Variants in PDE4D observed in about 807,000 individuals in gnomAD.
The protein encoded by PDE4D is phosphodiesterase 4D.
Under a neutral mutation model 87.4 loss-of-function variants are expected in PDE4D, and 24 were observed. The observed-to-expected ratio is 0.27, with a 90% CI of 0.20 to 0.39. The LOEUF (loss-of-function observed/expected upper bound fraction) is 0.39, where lower values mean the gene tolerates loss of function less well. Ranked by LOEUF, PDE4D falls within the 10% of genes least tolerant of loss-of-function variation. The pLI is 1.00. For missense variants in PDE4D, 714 were observed against 1,041.0 expected, an observed-to-expected ratio of 0.69 and a Z score of 4.32; for synonymous variants, 384 against 383.2, an observed-to-expected ratio of 1.00 and a Z score of -0.02.
At chr5:59,038,362 G>T (rs182970889) in intron 6 of PDE4D, among the ~76,000 whole-genome samples, 89 of 152,254 alleles carry the variant, frequency 5.8e-4, no homozygotes, top group Middle Eastern at 3.4e-3. Context: ...TGTTTCCTGC[G>T]GATATGTATG....
intron 1 of PDE4D, among the ~76,000 whole-genome samples, chr5:60,391,598 C>T (rs926973465): frequency 6.6e-6 from 1 of 152,118 alleles, no homozygotes; most frequent in Admixed American, 6.5e-5. Context: ...CTGACTACTG[C>T]CCCTTAGTTT....
intron 1 of PDE4D, among the ~76,000 whole-genome samples, chr5:59,399,341 G>T (rs1374159830): frequency 1.5e-5 from 2 of 135,552 alleles, no homozygotes; most frequent in African/African-American, 2.6e-5. Context: ...ATACTACAAG[G>T]CTACAGTAAC....
chr5:59,721,913 G>A (rs1330402123), intron 1 of PDE4D, among the ~76,000 whole-genome samples: 4 of 152,038 alleles, frequency 2.6e-5, no homozygotes, highest in Non-Finnish European at 4.4e-5. Flanking sequence ...CAGGAGAGGC[G>A]CATCCATGGG....
intron 3 of PDE4D, among the ~76,000 whole-genome samples, chr5:59,906,370 T>C (rs1014707722): frequency 6.6e-6 from 1 of 152,170 alleles, no homozygotes; most frequent in African/African-American, 2.4e-5. Context: ...TAGTTAGCCT[T>C]CTAAGCTAGC....
chr5:60,400,788 C>T lies in PDE4D; in HGVS notation c.-90+87154G>A, dbSNP rs541492336. 4.6e-5 allele frequency among the ~76,000 whole-genome samples: 7 copies of T among 151,858 alleles called. No homozygotes were observed. In the South Asian group the frequency reaches 6.2e-4, roughly 14 times the overall value. ...CTCTAACAAAAATACAAAAATTAGC[C>T]GGGCGTGGTGGCAGGCACCTGTAAT... is the stretch of plus-strand genomic sequence containing the variant. On this transcript the variant is annotated intron_variant, in intron 1 of 16. Coordinates refer to the PDE4D transcript ENST00000502484.
chr5:59,421,907 C>T (rs959972018), intron 1 of PDE4D, among the ~76,000 whole-genome samples: 1 of 152,012 alleles, frequency 6.6e-6, no homozygotes, highest in Non-Finnish European at 1.5e-5. Flanking sequence ...CTATTATGTA[C>T]CAGGACCCAG....
At chr5:59,118,084 G>A (rs979628181) in intron 5 of PDE4D, among the ~76,000 whole-genome samples, 2 of 152,098 alleles carry the variant, frequency 1.3e-5, no homozygotes, top group Non-Finnish European at 2.9e-5. Context: ...TATTCTTCAT[G>A]GTGCCCGGCA....
intron 5 of PDE4D, chr5:59,125,379 T>G: frequency 1.6e-6 from 1 of 621,894 alleles, no homozygotes. Flanking sequence ...TCCTCTTCCT[T>G]AAGCTTCCTC....
At chr5:60,012,932 A>G (rs1765153788) in intron 2 of PDE4D, among the ~76,000 whole-genome samples, 1 of 152,152 alleles carries the variant, frequency 6.6e-6, no homozygotes, top group African/African-American at 2.4e-5. Context: ...ACTTTTGGCT[A>G]TAATTATGTT....
At chr5:59,694,765 G>A (rs1253142149) in intron 1 of PDE4D, among the ~76,000 whole-genome samples, 1 of 152,282 alleles carries the variant, frequency 6.6e-6, no homozygotes, top group East Asian at 1.9e-4. Flanking sequence ...TGTTTGAAGA[G>A]CAAGATTAAA....
At chr5:59,029,220 G>A (rs1756818229) in intron 6 of PDE4D, among the ~76,000 whole-genome samples, 1 of 149,748 alleles carries the variant, frequency 6.7e-6, no homozygotes, top group East Asian at 2.0e-4. Context: ...AGACCATCCT[G>A]GCTAACACAG....
intron 1 of PDE4D, among the ~76,000 whole-genome samples, chr5:59,498,773 T>G (rs1254873121): frequency 6.6e-6 from 1 of 152,086 alleles, no homozygotes; most frequent in Non-Finnish European, 1.5e-5. Flanking sequence ...GGATACATAT[T>G]TATAAAATAA....
At chr5:59,344,184 A>G (rs1272870493) in intron 1 of PDE4D, among the ~76,000 whole-genome samples, 1 of 152,144 alleles carries the variant, frequency 6.6e-6, no homozygotes, top group Non-Finnish European at 1.5e-5. Context: ...CTTTTTATCT[A>G]TGTAGTTGTT....
chr5:59,027,651 G>C lies in PDE4D; in HGVS notation c.921+11208C>G, dbSNP rs140371354. Among the ~76,000 whole-genome samples, 391 of 152,148 alleles carry C rather than the reference G, an allele frequency of 2.6e-3. 2 individuals are homozygous for C. Among genetic ancestry groups the C allele is most frequent in the African/African-American group, 9.0e-3 (372 of 41,480 alleles). ...GCTTTGGCCATTGGGAGCTCTTTCA[G>C]TTTGCTCTTGCAACTCTTCAGTATA... is the stretch of plus-strand genomic sequence containing the variant. On this transcript the variant is annotated intron_variant, in intron 6 of 14. Transcript: ENST00000340635.
At chr5:59,320,390 T>C (rs1774503585) in intron 1 of PDE4D, among the ~76,000 whole-genome samples, 2 of 152,066 alleles carry the variant, frequency 1.3e-5, no homozygotes, top group African/African-American at 4.8e-5. Flanking sequence ...ATATAATAAC[T>C]ATGTTTTCAG....
At chr5:59,792,868 G>A (rs926235302) in intron 1 of PDE4D, among the ~76,000 whole-genome samples, 3 of 152,178 alleles carry the variant, frequency 2.0e-5, no homozygotes, top group African/African-American at 7.2e-5. Flanking sequence ...TGAGAAAAGA[G>A]TGACTGATTG....
At chr5:60,507,056 G>A (rs1750356783) in intron 1 of PDE4D, among the ~76,000 whole-genome samples, 1 of 151,988 alleles carries the variant, frequency 6.6e-6, no homozygotes, top group Non-Finnish European at 1.5e-5. Flanking sequence ...ATCATGTCTT[G>A]TCATAAACAG....
At chr5:60,474,110 A>ATATATATGTGTG (rs1463821243) in intron 1 of PDE4D, among the ~76,000 whole-genome samples, 8 of 65,974 alleles carry the variant, frequency 1.2e-4, no homozygotes, top group South Asian at 5.1e-4. Flanking sequence ...GCTGCCATAT[A>ATATATATGTGTG]TATATATATA....
At chr5:59,762,641 CAT>C (rs1491548292) in intron 1 of PDE4D, among the ~76,000 whole-genome samples, 3 of 130,546 alleles carry the variant, frequency 2.3e-5, no homozygotes, top group Admixed American at 7.7e-5. Context: ...TATGGGTACA[CAT>C]ATGTGTATAT....
Sources: allele counts gnomAD v4.1 joint callset (sites outside exome capture counted in the v4.1 genomes callset), GRCh38; gene constraint gnomAD v4.1.1; transcripts MANE v1.5; gene names NCBI Gene and HGNC (gene_info 2026-07-23, HGNC 2026-07-21).